The following UGGT1 variants were observed in gnomAD, a reference collection of about 807,000 sequenced individuals.
UGGT1 encodes the protein UDP-glucose:glycoprotein glucosyltransferase 1.
Under a neutral mutation model 203.9 loss-of-function variants are expected in UGGT1, and 107 were observed. That is an observed-to-expected ratio of 0.52 (90% CI 0.45 to 0.62). UGGT1 has a LOEUF of 0.62. Ranked by LOEUF, UGGT1 falls within the 20% of genes least tolerant of loss-of-function variation. The probability of loss-of-function intolerance (pLI) is 0.00; values close to 1 mark genes in which losing one functional copy is unlikely to be tolerated. For missense variants in UGGT1, 1,673 were observed against 1,867.2 expected (o/e 0.90, Z 1.92); for synonymous variants, 628 against 653.5 (o/e 0.96, Z 0.59).
intron 12 of UGGT1, among the ~76,000 whole-genome samples, chr2:128,127,985 G>A (rs1688678183): frequency 6.6e-6 from 1 of 151,924 alleles, no homozygotes; most frequent in Non-Finnish European, 1.5e-5. Context: ...GAGGCAGGAG[G>A]ATCACTTGAA....
intron 8 of UGGT1, among the ~76,000 whole-genome samples, chr2:128,117,989 TGTGTGA>T (rs1558764743): frequency 0.22 from 18,692 of 85,630 alleles, 1,301 homozygotes; most frequent in Non-Finnish European, 0.35. Flanking sequence ...TGTGTGTGTG[TGTGTGA>T]GAGAGAGAGA....
At chr2:128,113,359 A>G in intron 6 of UGGT1, 101 bp downstream of exon 6, 2 of 997,702 alleles carry the variant, frequency 2.0e-6, no homozygotes, top group Non-Finnish European at 2.7e-6. Context: ...AAATCTAGTT[A>G]TTTGAATCCC....
chr2:128,154,060 TACACACACACAC>T (rs10597837), intron 19 of UGGT1, among the ~76,000 whole-genome samples: 2 of 149,696 alleles, frequency 1.3e-5, no homozygotes, highest in African/African-American at 2.5e-5. Flanking sequence ...CATGTATATA[TACACACACACAC>T]ACACACACAC....
chr2:128,097,016 A>G (rs748060379), intron 1 of UGGT1, among the ~76,000 whole-genome samples: 1 of 152,198 alleles, frequency 6.6e-6, no homozygotes, highest in Non-Finnish European at 1.5e-5. Context: ...TCGCTAACTT[A>G]TGTTATTTTG....
intron 18 of UGGT1, chr2:128,151,251 G>C (rs1314306471): frequency 1.7e-6 from 1 of 597,852 alleles, no homozygotes; most frequent in Non-Finnish European, 3.2e-6. Context: ...GTTTCTGCTT[G>C]AAAGTCTTAC....
At chr2:128,122,182 C>T (rs1407601452) in intron 10 of UGGT1, among the ~76,000 whole-genome samples, 1 of 152,010 alleles carries the variant, frequency 6.6e-6, no homozygotes, top group Admixed American at 6.5e-5. Flanking sequence ...CCATGTTGAT[C>T]AGACTGGTCT....
intron 2 of UGGT1, among the ~76,000 whole-genome samples, chr2:128,099,527 G>A (rs1445717503): frequency 6.6e-6 from 1 of 152,134 alleles, no homozygotes. Context: ...TTGTGTGAAC[G>A]AATGGTTGCA....
chr2:128,170,667 T>C (rs1348335670), intron 27 of UGGT1, among the ~76,000 whole-genome samples: 1 of 152,238 alleles, frequency 6.6e-6, no homozygotes, highest in Non-Finnish European at 1.5e-5. Flanking sequence ...AATTAAGGTA[T>C]GCTATATTTT....
chr2:128,103,224 G>C, intron 2 of UGGT1: 1 of 382,506 alleles, frequency 2.6e-6, no homozygotes, highest in Admixed American at 3.4e-5. Context: ...GCTCAGAGGA[G>C]AAGATAAGCA....
chr2:128,144,430 GT>G (rs1689582538), intron 17 of UGGT1, among the ~76,000 whole-genome samples: 1 of 152,140 alleles, frequency 6.6e-6, no homozygotes, highest in South Asian at 2.1e-4. Context: ...CTCAGTTACT[GT>G]TTGCAGACAA....
chr2:128,183,183 T>C (rs1255988380), intron 37 of UGGT1, among the ~76,000 whole-genome samples: 3 of 152,196 alleles, frequency 2.0e-5, no homozygotes, highest in Non-Finnish European at 4.4e-5. Flanking sequence ...CTGCGAGAAG[T>C]GTGATTTGAA....
chr2:128,190,433 A>G lies in UGGT1; in HGVS notation c.*691A>G, dbSNP rs1692203445. On this transcript the variant is annotated 3_prime_UTR_variant, in exon 41 of 41. Transcript: ENST00000259253. ...CGGGGGTTAAGGGAAGGGAAGGAAG[A>G]CCAGAACTGGCCATCCTCTTTTATA... The G allele has an allele frequency of 6.6e-6, 1 of 152,180 alleles. No individual in the cohort carries two copies. The highest frequency in any genetic ancestry group is 1.5e-5 in the Non-Finnish European group (1 of 68,050). 9.4% of individuals were successfully genotyped at this position (152,180 alleles called of 1,614,324 possible).
At chr2:128,171,144 C>A in intron 27 of UGGT1, 61 bp from the exon 28 acceptor site, 3 of 1,483,670 alleles carry the variant, frequency 2.0e-6, no homozygotes, top group South Asian at 2.4e-5. Flanking sequence ...AGCTCAGTGT[C>A]AAATAATAAA....
chr2:128,170,856 A>G (rs763424473), intron 27 of UGGT1, among the ~76,000 whole-genome samples: 23 of 152,286 alleles, frequency 1.5e-4, no homozygotes, highest in Non-Finnish European at 2.5e-4. Context: ...ATAAATCTCT[A>G]ACCTTTTTTG....
intron 34 of UGGT1, among the ~76,000 whole-genome samples, chr2:128,179,456 C>A (rs1691570064): frequency 2.0e-5 from 3 of 152,154 alleles, no homozygotes; most frequent in Non-Finnish European, 4.4e-5. Flanking sequence ...ATGTCAGTTA[C>A]CCCGATTTCC....
chr2:128,180,636 A>G (rs1005223880), intron 35 of UGGT1, among the ~76,000 whole-genome samples: 12 of 152,238 alleles, frequency 7.9e-5, no homozygotes, highest in African/African-American at 2.9e-4. Flanking sequence ...AGAGGGATAT[A>G]CATCTAAAAT....
chr2:128,092,605 CTTTTTT>C lies in UGGT1; in HGVS notation c.58+1202_58+1207del, dbSNP rs55814829. Among the ~76,000 whole-genome samples the C allele has an allele frequency of 5.2e-3, 665 of 126,708 alleles. 2 individuals are homozygous for C. Among genetic ancestry groups the C allele is most frequent in the South Asian group, 8.2e-3 (34 of 4,124 alleles). The allele number at this position is 126,708 out of a possible 152,430, so 83.1% of individuals were successfully genotyped here. ...ATGTGATAATTTTCTTTCTTTCTTT[CTTTTTT>C]TTTTTTTTTTTGAGATGGAGTTTCA... is the stretch of plus-strand genomic sequence containing the variant. On this transcript the variant is annotated intron_variant, in intron 1 of 40. Coordinates refer to ENST00000259253, the MANE Select transcript of UGGT1 (RefSeq NM_020120.4).
chr2:128,179,950 G>A, intron 35 of UGGT1, 80 bp downstream of exon 35: 2 of 1,318,106 alleles, frequency 1.5e-6, no homozygotes, highest in East Asian at 2.4e-5. Context: ...TGTTTTATCT[G>A]TATACTTTAG....
At chr2:128,173,309 G>A (rs13012263) in intron 29 of UGGT1, among the ~76,000 whole-genome samples, 25,664 of 152,046 alleles carry the variant, frequency 0.17, 2,641 homozygotes, top group South Asian at 0.32. Flanking sequence ...TCACTTTTTG[G>A]TTGTTATGAA....
Sources: allele counts gnomAD v4.1 joint callset (sites outside exome capture counted in the v4.1 genomes callset), GRCh38; gene constraint gnomAD v4.1.1; transcripts MANE v1.5; gene names NCBI Gene and HGNC (gene_info 2026-07-23, HGNC 2026-07-21).